SLCO4C1: variants seen among roughly 807,000 people sequenced by gnomAD.
The protein encoded by SLCO4C1 is organic anion transporter M1.
A neutral mutation model predicts 72.1 loss-of-function variants in SLCO4C1; 58 were observed. That is an observed-to-expected ratio of 0.80 (90% CI 0.65 to 1.00). SLCO4C1 has a LOEUF of 1.00. Ranked by LOEUF, SLCO4C1 falls within the 50% of genes least tolerant of loss-of-function variation. The pLI, the probability that SLCO4C1 is intolerant of heterozygous loss-of-function variation, is 0.00. For synonymous variants in SLCO4C1, 297 were observed against 312.5 expected (o/e 0.95, Z 0.52); for missense variants, 898 against 857.9 (o/e 1.05, Z -0.58).
At chr5:102,244,143 T>C (rs1748596417) in intron 10 of SLCO4C1, among the ~76,000 whole-genome samples, 2 of 152,054 alleles carry the variant, frequency 1.3e-5, no homozygotes, top group Admixed American at 1.3e-4. Context: ...GCCAAGATCA[T>C]GGCCACTGCT....
Position 102,257,989 on chromosome 5 carries a change from T to C in SLCO4C1, c.1227A>G (p.Ile409Met). ...TGGATGTCAATCCGAATTGATTTTC[T>C]ATAAATTTAGGTAAAAATGTAGCAA... The part of the protein sequence containing the change: ...TGFATFLPKF[I>M]ENQFGLTSSF... The change falls in exon 7 of 13, where the codon ATA becomes ATG. Residue 409 changes from isoleucine to methionine, a missense_variant. Transcript: ENST00000310954. The C allele has an allele frequency of 6.2e-7, 1 of 1,609,398 alleles. No individual in the cohort carries two copies. The highest frequency in any genetic ancestry group is 8.5e-7 in the Non-Finnish European group (1 of 1,178,520).
chr5:102,248,350 C>A (rs1748675469), intron 9 of SLCO4C1, among the ~76,000 whole-genome samples: 1 of 151,874 alleles, frequency 6.6e-6, no homozygotes, highest in Admixed American at 6.6e-5. Flanking sequence ...AAAGTCAGGA[C>A]AAATAGAAAA....
intron 2 of SLCO4C1, among the ~76,000 whole-genome samples, chr5:102,289,020 A>C (rs1749504627): frequency 1.3e-5 from 2 of 152,208 alleles, no homozygotes; most frequent in Admixed American, 6.5e-5. Flanking sequence ...ATATTGTATG[A>C]ATGGCAGAAT....
At chr5:102,241,319 T>C (rs1748535930) in intron 10 of SLCO4C1, among the ~76,000 whole-genome samples, 1 of 152,048 alleles carries the variant, frequency 6.6e-6, no homozygotes, top group Non-Finnish European at 1.5e-5. Flanking sequence ...GGTAAGATTA[T>C]CTCTGTGAAG....
intron 2 of SLCO4C1, among the ~76,000 whole-genome samples, chr5:102,277,293 G>A (rs1466169973): frequency 6.6e-6 from 1 of 151,988 alleles, no homozygotes; most frequent in Admixed American, 6.6e-5. Flanking sequence ...CTTCCAGGGT[G>A]GTGTCAGAGA....
intron 5 of SLCO4C1, among the ~76,000 whole-genome samples, chr5:102,261,021 T>C (rs1251801729): frequency 1.3e-5 from 2 of 152,194 alleles, no homozygotes; most frequent in African/African-American, 2.4e-5. Context: ...AAAATACTTC[T>C]ACAGATATGA....
In SLCO4C1 at chr5:102,235,630, T is replaced by G. The variant is rs1013543424; in HGVS notation, c.*1228A>C. 6.6e-6 allele frequency: 1 copy of G among 152,262 alleles called. No individual in the cohort carries two copies. The highest frequency in any genetic ancestry group is 2.1e-4 in the South Asian group (1 of 4,832). 9.4% of individuals were successfully genotyped at this position (152,262 alleles called of 1,614,324 possible). A position where few individuals can be genotyped will look rare whatever the true frequency, so the allele number is the denominator to read the frequency against. On this transcript the variant is annotated 3_prime_UTR_variant, in exon 13 of 13. Coordinates refer to ENST00000310954, the MANE Select transcript of SLCO4C1 (RefSeq NM_180991.5). ...CACAGTTGGTGAGCTGAGAGGCAGG[T>G]GAGTGAGCATTACTGCCTGAGCTCC...
chr5:102,267,546 T>C (rs1011435517), intron 3 of SLCO4C1, among the ~76,000 whole-genome samples: 3 of 151,714 alleles, frequency 2.0e-5, no homozygotes, highest in Admixed American at 6.6e-5. Context: ...TTTTATCTTT[T>C]CCAAAAAACC....
chr5:102,275,320 A>T (rs1057329606), intron 2 of SLCO4C1, among the ~76,000 whole-genome samples: 2 of 150,096 alleles, frequency 1.3e-5, no homozygotes, highest in Non-Finnish European at 2.9e-5. Context: ...AATTCATGAT[A>T]AAAAAGAAGA....
At chr5:102,250,228 C>G (rs1432142871) in intron 8 of SLCO4C1, among the ~76,000 whole-genome samples, 1 of 152,096 alleles carries the variant, frequency 6.6e-6, no homozygotes, top group Non-Finnish European at 1.5e-5. Flanking sequence ...GAAGGATGAA[C>G]AAAATCATGC....
intron 3 of SLCO4C1, among the ~76,000 whole-genome samples, chr5:102,265,645 C>A (rs1406208742): frequency 3.9e-5 from 6 of 152,054 alleles, no homozygotes; most frequent in Non-Finnish European, 7.4e-5. Context: ...TTTCTGAGTT[C>A]TCTATTCTGT....
At position 102,257,941 on chromosome 5, in the gene SLCO4C1, ACCT is replaced by A; in HGVS notation, c.1272_1273+1del. On this transcript the variant is annotated splice_donor_variant and coding_sequence_variant, in exon 7 of 13. Transcript: ENST00000310954. LOFTEE classifies it high-confidence loss of function. The stretch of plus-strand genomic sequence containing the variant: ...TAGGTTAAGATAAAGAAAATGTTTT[ACCT>A]CCAAGAGTAGCTGCGAAGCTGGATG... The A allele has an allele frequency of 6.3e-7, 1 of 1,597,252 alleles. No homozygotes were observed. Among genetic ancestry groups the A allele is most frequent in the Non-Finnish European group, 8.5e-7 (1 of 1,175,404 alleles).
intron 2 of SLCO4C1, among the ~76,000 whole-genome samples, chr5:102,275,606 G>A (rs969164397): frequency 6.6e-6 from 1 of 152,126 alleles, no homozygotes; most frequent in African/African-American, 2.4e-5. Context: ...GGACTACTGA[G>A]AATCTTCTTT....
rs753440607 is a variant in SLCO4C1 at position 102,236,873 on chromosome 5, T to C, written c.2160A>G (p.Ile720Met). The change falls in exon 13 of 13, where the codon ATA becomes ATG. Residue 720 changes from isoleucine (I) to methionine (M), a missense_variant. By Grantham distance (10) the Ile-to-Met change is conservative. Transcript: ENST00000310954. ...TTTTCCCATTTCACCCTTCTTTTAC[T>C]ATTTTGTTGAGATCCTGTTCTGCTA... Reference protein sequence around the residue: ...NVLAEQDLNKIVKEG With the variant: ...NVLAEQDLNKMVKEG The C allele has an allele frequency of 3.7e-6, 6 of 1,611,544 alleles. No homozygotes were observed. The East Asian group carries it at 1.3e-4, about 36-fold the overall frequency.
intron 10 of SLCO4C1, among the ~76,000 whole-genome samples, chr5:102,243,097 A>G (rs1748575886): frequency 6.6e-6 from 1 of 152,124 alleles, no homozygotes. Context: ...GGAGGGGCCT[A>G]TGGGGTGAAG....
intron 8 of SLCO4C1, among the ~76,000 whole-genome samples, chr5:102,250,637 A>C (rs1053360381): frequency 3.6e-4 from 55 of 152,296 alleles, no homozygotes; most frequent in Admixed American, 3.4e-3. Context: ...GACACCTAAC[A>C]CAAGCCAAAG....
In SLCO4C1 at chr5:102,246,602, C is replaced by A. The variant is rs187781585; in HGVS notation, c.1811+650G>T. On this transcript the variant is annotated intron_variant, in intron 10 of 12. Coordinates refer to ENST00000310954, the MANE Select transcript of SLCO4C1 (RefSeq NM_180991.5). ...AAAAAGAACAAAACTGCACATGTAC[C>A]CCTGAGCTTAAAATAAAAATTAAAT... Among the ~76,000 whole-genome samples the A allele has an allele frequency of 2.4e-3, 357 of 146,086 alleles. 3 individuals are homozygous for A. Among genetic ancestry groups the A allele is most frequent in the Admixed American group, 2.9e-3 (43 of 15,040 alleles).
chr5:102,277,826 C>T (rs1749276975), intron 2 of SLCO4C1, among the ~76,000 whole-genome samples: 1 of 151,458 alleles, frequency 6.6e-6, no homozygotes, highest in East Asian at 1.9e-4. Flanking sequence ...AATGCAGTAC[C>T]TAGAAAAAAA....
At chr5:102,245,124 A>G (rs978808514) in intron 10 of SLCO4C1, among the ~76,000 whole-genome samples, 2 of 152,200 alleles carry the variant, frequency 1.3e-5, no homozygotes, top group Non-Finnish European at 2.9e-5. Flanking sequence ...TAGAAACAAC[A>G]AAAGAATAAA....
Sources: gnomAD v4.1 joint callset for allele counts (sites outside exome capture counted in the v4.1 genomes callset) on GRCh38, gnomAD v4.1.1 for gene constraint, MANE v1.5 for transcripts, NCBI Gene and HGNC (gene_info 2026-07-23, HGNC 2026-07-21) for gene names.